The following SP3 variants were observed in gnomAD, a reference collection of about 807,000 sequenced individuals.
The protein encoded by SP3 is transcription factor Sp3.
A neutral mutation model predicts 70.3 loss-of-function variants in SP3; 10 were observed. That is an observed-to-expected ratio of 0.14 (90% CI 0.09 to 0.24). The LOEUF is 0.24. SP3 is among the 10% of genes least tolerant of loss of function. The pLI is 1.00. For missense variants in SP3, 825 were observed against 914.6 expected, an observed-to-expected ratio of 0.90 and a Z score of 1.26; for synonymous variants, 402 against 333.5, an observed-to-expected ratio of 1.21 and a Z score of -2.24.
intron 4 of SP3, among the ~76,000 whole-genome samples, chr2:173,952,696 A>G (rs1279392637): frequency 6.6e-6 from 1 of 152,264 alleles, no homozygotes; most frequent in East Asian, 1.9e-4. Context: ...GTATATCCAT[A>G]CAGTGGAACA....
intron 4 of SP3, among the ~76,000 whole-genome samples, chr2:173,952,746 AC>A (rs748257000): frequency 5.9e-5 from 9 of 152,246 alleles, no homozygotes; most frequent in Non-Finnish European, 1.0e-4. Context: ...AATGACACAT[AC>A]CATGACACAG....
Position 173,955,053 on chromosome 2 carries a change from T to C in SP3, c.1459A>G (p.Ile487Val), listed in dbSNP as rs1474847258. 2 of 1,614,216 alleles carry C rather than the reference T, an allele frequency of 1.2e-6. 1 individual carries two copies. Among genetic ancestry groups the C allele is most frequent in the South Asian group, 2.2e-5 (2 of 91,084 alleles). Residue 487 changes from isoleucine to valine, a missense_variant, in exon 4 of 7, where the codon ATA becomes GTA. Ile to Val is a conservative substitution (Grantham distance 29, BLOSUM62 3). Coordinates refer to ENST00000310015, the MANE Select transcript of SP3 (RefSeq NM_003111.5). ...LQIQNTAAQQITLTPVQTLTL... is the reference protein window; with the variant it reads ...LQIQNTAAQQVTLTPVQTLTL... ...AGGGTTTGAACAGGCGTCAAAGTTA[T>C]TTGTTGGGCAGCAGTATTCTGTATT...
chr2:173,905,490 T>TG lies in SP3; in HGVS notation c.*4450dup, dbSNP rs1335021674. On this transcript the variant is annotated 3_prime_UTR_variant, in exon 7 of 7. Transcript: ENST00000310015. ...GAAGCAAGAGTTAAAAGGTGAAAAA[T>TG]GGGGAAAAGGACTGAAGGAGATAGG... Among the ~76,000 whole-genome samples the TG allele has an allele frequency of 6.6e-6, 1 of 151,908 alleles. No individual in the cohort carries two copies. The highest frequency in any genetic ancestry group is 1.5e-5 in the Non-Finnish European group (1 of 67,990).
chr2:173,910,006 T>C lies in SP3; in HGVS notation c.2281A>G (p.Ile761Val). The C allele has an allele frequency of 1.2e-6, 2 of 1,613,964 alleles. No individual in the cohort carries two copies. The highest frequency in any genetic ancestry group is 1.7e-6 in the Non-Finnish European group (2 of 1,179,864). ...AAAGGTATTTCAGTGTTGGTAAGGA[T>C]ATCTTGATTGCTGGTGGCGGAAGTA... ...VNTSATSNQD[I>V]LTNTEIPLQL... The change falls in exon 7 of 7, where the codon ATC (isoleucine) becomes GTC (valine). Residue 761 changes from isoleucine to valine, a missense_variant. This residue lies in a region of SP3 where 91 missense variants were observed against 97.4 expected (regional missense o/e 0.93). Coordinates refer to ENST00000310015, the MANE Select transcript of SP3 (RefSeq NM_003111.5).
At chr2:173,947,060 G>C (rs1310576494) in intron 4 of SP3, among the ~76,000 whole-genome samples, 1 of 152,068 alleles carries the variant, frequency 6.6e-6, no homozygotes, top group African/African-American at 2.4e-5. Flanking sequence ...TCTTCTCTCT[G>C]TTAACATTTA....
At chr2:173,922,857 A>T (rs956060547) in intron 4 of SP3, among the ~76,000 whole-genome samples, 9 of 152,202 alleles carry the variant, frequency 5.9e-5, no homozygotes, top group Admixed American at 5.2e-4. Flanking sequence ...AAACAAGTAC[A>T]GGTTAACTCT....
At chr2:173,923,720 CTTTT>C (rs1689825974) in intron 4 of SP3, among the ~76,000 whole-genome samples, 1 of 151,834 alleles carries the variant, frequency 6.6e-6, no homozygotes, top group African/African-American at 2.4e-5. Context: ...CTGCCTTCAA[CTTTT>C]TTAAGCACTG....
chr2:173,947,023 G>A (rs1358384576), intron 4 of SP3, among the ~76,000 whole-genome samples: 1 of 151,936 alleles, frequency 6.6e-6, no homozygotes, highest in Non-Finnish European at 1.5e-5. Context: ...ATACCTAGCT[G>A]GGCTATCATT....
At chr2:173,962,257 T>G (rs1003654854) in intron 3 of SP3, among the ~76,000 whole-genome samples, 1 of 152,220 alleles carries the variant, frequency 6.6e-6, no homozygotes, top group African/African-American at 2.4e-5. Context: ...CCCCCATCTG[T>G]AAACTGATAT....
chr2:173,908,840 CAT>C lies in SP3; in HGVS notation c.*1099_*1100del, dbSNP rs1689396926. ...GCTTCTCAATTAAATGTACTGGATA[CAT>C]ATAAATTTTAAGGGAAGAAGCAAAA... On this transcript the variant is annotated 3_prime_UTR_variant, in exon 7 of 7. Coordinates refer to ENST00000310015, the MANE Select transcript of SP3 (RefSeq NM_003111.5). 1 of 145,936 alleles carries C rather than the reference CAT, an allele frequency of 6.9e-6. No individual in the cohort carries two copies. Among genetic ancestry groups the C allele is most frequent in the South Asian group, 2.2e-4 (1 of 4,634 alleles). The allele number at this position is 145,936 out of a possible 1,614,324, so 9.0% of individuals were successfully genotyped here. A position where few individuals can be genotyped will look rare whatever the true frequency, so the allele number is the denominator to read the frequency against.
chr2:173,964,496 C>T lies in SP3; in HGVS notation c.65G>A (p.Gly22Asp). The change falls in exon 2 of 7, where the codon GGC becomes GAC. Residue 22 changes from glycine to aspartate, a missense_variant. Around this residue, in one of 4 missense-constraint regions of SP3, gnomAD observed 678 missense variants for 651.6 expected, o/e 1.04. Transcript: ENST00000310015. ...EMAALDVDSG[G>D]GGGGGGGHGE... ...GTGGCCGCCGCCGCCGCCACCGCCG[C>T]CGCCGCTATCCACGTCCAAGGCAGC... is the stretch of plus-strand genomic sequence containing the variant. The T allele has an allele frequency of 1.4e-6, 1 of 707,906 alleles. No homozygotes were observed. Among genetic ancestry groups the T allele is most frequent in the South Asian group, 1.5e-5 (1 of 67,118 alleles). 43.9% of individuals were successfully genotyped at this position (707,906 alleles called of 1,614,324 possible). A position where few individuals can be genotyped will look rare whatever the true frequency, so the allele number is the denominator to read the frequency against.
chr2:173,965,364 A>G lies in SP3; in HGVS notation c.-193T>C, dbSNP rs1451454986. On this transcript the variant is annotated 5_prime_UTR_variant, in exon 1 of 7. Transcript: ENST00000310015. ...GGAGCCTCCAGCCCAAAAGGGGGGA[A>G]GAGGGTGACAGCCCGCCCGGAACTC... The G allele has an allele frequency of 1.1e-5, 7 of 619,342 alleles. No individual in the cohort carries two copies. Among genetic ancestry groups the G allele is most frequent in the Non-Finnish European group, 1.7e-5 (6 of 356,290 alleles). 38.4% of individuals were successfully genotyped at this position (619,342 alleles called of 1,614,324 possible).
At chr2:173,911,190 A>G (rs1039697472) in intron 6 of SP3, among the ~76,000 whole-genome samples, 7 of 152,126 alleles carry the variant, frequency 4.6e-5, no homozygotes, top group African/African-American at 1.7e-4. Context: ...TTAAAGACCA[A>G]ATTTTATTAC....
At chr2:173,912,999 T>TA in intron 6 of SP3, 71 bp downstream of exon 6, 2 of 1,181,018 alleles carry the variant, frequency 1.7e-6, no homozygotes, top group Non-Finnish European at 2.3e-6. Flanking sequence ...GGAATGCTAA[T>TA]AAAAAAGAAG....
At chr2:173,914,359 C>A (rs531071999) in intron 5 of SP3, 1 of 152,128 alleles carries the variant, frequency 6.6e-6, no homozygotes, top group African/African-American at 2.4e-5. Flanking sequence ...GTAAAACTTT[C>A]TATAGCCTGT....
Position 173,901,133 on chromosome 2 carries a change from T to A in SP3, c.*8808A>T, listed in dbSNP as rs1455394485. On this transcript the variant is annotated 3_prime_UTR_variant, in exon 7 of 7. Coordinates refer to ENST00000310015, the MANE Select transcript of SP3 (RefSeq NM_003111.5). Reference sequence around the variant, plus strand: ...AATAAACTGCTAAGACAACTGATTATCCATATGGAAAATAATGGACTTTAT... The same window carrying A: ...AATAAACTGCTAAGACAACTGATTAACCATATGGAAAATAATGGACTTTAT... 6.6e-6 allele frequency among the ~76,000 whole-genome samples: 1 copy of A among 152,136 alleles called. No homozygotes were observed. The highest frequency in any genetic ancestry group is 1.5e-5 in the Non-Finnish European group (1 of 68,034).
chr2:173,963,779 GGCCCCGGCTGCGGCGGCC>G lies in SP3; in HGVS notation c.243_260del (p.Ala82_Ala87del). The stretch of plus-strand genomic sequence containing the variant: ...GACTTACCGCTCCGGCGGCGGCGGG[GGCCCCGGCTGCGGCGGCC>G]GCCTCCTCCTCGTCGTCGCCCGGCG... On this transcript the variant is annotated inframe_deletion, in exon 3 of 7. Transcript: ENST00000310015. 7.3e-7 allele frequency: 1 copy of G among 1,361,320 alleles called. No individual in the cohort carries two copies. Among genetic ancestry groups the G allele is most frequent in the South Asian group, 1.5e-5 (1 of 67,794 alleles). 84.3% of individuals were successfully genotyped at this position (1,361,320 alleles called of 1,614,324 possible).
In SP3 at chr2:173,908,739, T is replaced by C. The variant is rs892104787; in HGVS notation, c.*1202A>G. ...TACAAGACCAGCAATGTAACTTTATTTTGTACATTTTTGAATTGAAAATAT... is the reference window on the plus strand; with the variant it reads ...TACAAGACCAGCAATGTAACTTTATCTTGTACATTTTTGAATTGAAAATAT... On this transcript the variant is annotated 3_prime_UTR_variant, in exon 7 of 7. Coordinates refer to ENST00000310015, the MANE Select transcript of SP3 (RefSeq NM_003111.5). 2.6e-5 allele frequency: 4 copies of C among 152,362 alleles called. No individual in the cohort carries two copies. Among genetic ancestry groups the C allele is most frequent in the African/African-American group, 9.7e-5 (4 of 41,432 alleles). The allele number at this position is 152,362 out of a possible 1,614,324, so 9.4% of individuals were successfully genotyped here. A position where few individuals can be genotyped will look rare whatever the true frequency, so the allele number is the denominator to read the frequency against.
chr2:173,963,765 C>CCGG lies in SP3; in HGVS notation c.272_274dup (p.Ala91dup), dbSNP rs1285441538. The CCGG allele has an allele frequency of 2.4e-5, 30 of 1,268,116 alleles. No homozygotes were observed. Among genetic ancestry groups the CCGG allele is most frequent in the South Asian group, 1.0e-4 (6 of 59,226 alleles). 78.6% of individuals were successfully genotyped at this position (1,268,116 alleles called of 1,614,324 possible). A position where few individuals can be genotyped will look rare whatever the true frequency, so the allele number is the denominator to read the frequency against. ...CGGGCCGCGCGCGGGACTTACCGCT[C>CCGG]CGGCGGCGGCGGGGGCCCCGGCTGC... On this transcript the variant is annotated inframe_insertion, in exon 3 of 7. Transcript: ENST00000310015.
Sources: allele counts gnomAD v4.1 joint callset (sites outside exome capture counted in the v4.1 genomes callset), GRCh38; gene constraint gnomAD v4.1.1; regional missense constraint gnomAD v4.1.1; transcripts MANE v1.5; gene names NCBI Gene and HGNC (gene_info 2026-07-23, HGNC 2026-07-21).